Variants in SUMF1 observed in about 807,000 individuals in gnomAD.
The protein encoded by SUMF1 is sulfatase modifying factor 1.
Under a neutral mutation model 47.6 loss-of-function variants are expected in SUMF1, and 48 were observed. The observed-to-expected ratio is 1.01, with a 90% confidence interval of 0.80 to 1.28. The LOEUF (loss-of-function observed/expected upper bound fraction) is 1.28, where lower values mean the gene tolerates loss of function less well. Ranked by LOEUF, SUMF1 falls within the 50% of genes most tolerant of loss-of-function variation. SUMF1 has a pLI of 0.00. For missense variants in SUMF1, 571 were observed against 485.4 expected, an observed-to-expected ratio of 1.18 and a Z score of -1.66; for synonymous variants, 230 against 192.1, an observed-to-expected ratio of 1.20 and a Z score of -1.63.
chr3:4,116,253 C>T (rs528604367), intron 8 of SUMF1, among the ~76,000 whole-genome samples: 30 of 152,182 alleles, frequency 2.0e-4, no homozygotes, highest in Non-Finnish European at 3.4e-4. Context: ...TTTTCTACCA[C>T]GTCACTTCAC....
chr3:4,418,955 TA>T (rs1475442442), intron 4 of SUMF1, among the ~76,000 whole-genome samples: 1 of 152,220 alleles, frequency 6.6e-6, no homozygotes, highest in Non-Finnish European at 1.5e-5. Flanking sequence ...GTCCATTCCT[TA>T]TACACCTTTG....
At chr3:4,098,689 T>C (rs940788594) in intron 8 of SUMF1, among the ~76,000 whole-genome samples, 1 of 152,134 alleles carries the variant, frequency 6.6e-6, no homozygotes, top group Non-Finnish European at 1.5e-5. Flanking sequence ...TAAACATTGG[T>C]ATAGGATTTT....
intron 8 of SUMF1, among the ~76,000 whole-genome samples, chr3:4,217,185 T>TA (rs1384709872): frequency 9.2e-5 from 14 of 151,828 alleles, no homozygotes; most frequent in African/African-American, 3.1e-4. Flanking sequence ...TATGCAGCCA[T>TA]AAAAAAGGAT....
At chr3:4,170,458 A>G (rs1451343766) in intron 8 of SUMF1, among the ~76,000 whole-genome samples, 1 of 152,180 alleles carries the variant, frequency 6.6e-6, no homozygotes, top group South Asian at 2.1e-4. Context: ...ATGCTGACCA[A>G]TGCACCAATT....
intron 8 of SUMF1, among the ~76,000 whole-genome samples, chr3:4,149,574 T>C (rs528681440): frequency 2.0e-5 from 3 of 152,288 alleles, no homozygotes; most frequent in Admixed American, 2.0e-4. Context: ...TCATTAGGAA[T>C]TTCTTCCTCA....
chr3:4,223,028 T>A (rs955201014), intron 8 of SUMF1, among the ~76,000 whole-genome samples: 4 of 152,168 alleles, frequency 2.6e-5, no homozygotes, highest in Admixed American at 1.3e-4. Context: ...AACTTCCACG[T>A]TTTTCTCTGT....
intron 3 of SUMF1, among the ~76,000 whole-genome samples, chr3:4,442,575 A>G (rs1455750173): frequency 6.6e-6 from 1 of 151,238 alleles, no homozygotes; most frequent in Admixed American, 6.6e-5. Context: ...AGAGCCTCAC[A>G]CCAAGGAGAA....
intron 8 of SUMF1, among the ~76,000 whole-genome samples, chr3:4,172,876 T>C (rs913429351): frequency 5.3e-5 from 8 of 152,346 alleles, no homozygotes; most frequent in East Asian, 3.9e-4. Context: ...CATTTGTCAA[T>C]TTTGGCTTCT....
intron 8 of SUMF1, among the ~76,000 whole-genome samples, chr3:4,244,285 T>C (rs1319216013): frequency 6.6e-6 from 1 of 152,244 alleles, no homozygotes; most frequent in Non-Finnish European, 1.5e-5. Flanking sequence ...TATGTGTGAA[T>C]TTGATCCTGT....
intron 7 of SUMF1, among the ~76,000 whole-genome samples, chr3:4,379,417 G>A (rs913465542): frequency 2.0e-5 from 3 of 152,204 alleles, no homozygotes; most frequent in African/African-American, 7.2e-5. Context: ...GGAGTGAGGC[G>A]GCTACAAGCC....
intron 8 of SUMF1, among the ~76,000 whole-genome samples, chr3:4,273,521 G>A (rs1575042662): frequency 6.6e-6 from 1 of 152,034 alleles, no homozygotes; most frequent in African/African-American, 2.4e-5. Flanking sequence ...GGAAACAGAG[G>A]ATGACTGAAA....
chr3:4,174,758 G>A (rs144988788), intron 8 of SUMF1, among the ~76,000 whole-genome samples: 1 of 152,150 alleles, frequency 6.6e-6, no homozygotes, highest in African/African-American at 2.4e-5. Flanking sequence ...AGCACAAGGG[G>A]TCAGGAGATT....
In SUMF1 at chr3:4,102,450, G is replaced by T. The variant is rs79908268; in HGVS notation, c.1015-33705C>A. 7.5e-3 allele frequency among the ~76,000 whole-genome samples: 1,146 copies of T among 152,192 alleles called. 17 individuals are homozygous for T. The highest frequency in any genetic ancestry group is 0.026 in the African/African-American group (1,084 of 41,488). On this transcript the variant is annotated intron_variant and NMD_transcript_variant, in intron 8 of 12. Coordinates refer to the SUMF1 transcript ENST00000448413. Reference sequence around the variant, plus strand: ...ATCCCACAATAGCAGTAATGATAGAGTCCAGTCTTCCTTTGCCTTCATCCG... The same window carrying T: ...ATCCCACAATAGCAGTAATGATAGATTCCAGTCTTCCTTTGCCTTCATCCG...
intron 9 of SUMF1, among the ~76,000 whole-genome samples, chr3:4,051,431 C>A (rs934671751): frequency 1.2e-4 from 18 of 152,098 alleles, no homozygotes; most frequent in Non-Finnish European, 2.9e-5. Context: ...CTCTACTGTC[C>A]ACACTCGCTC....
At chr3:4,233,336 G>A (rs542674088) in intron 8 of SUMF1, among the ~76,000 whole-genome samples, 53 of 152,112 alleles carry the variant, frequency 3.5e-4, no homozygotes, top group Non-Finnish European at 1.5e-4. Flanking sequence ...TGAGGTATAT[G>A]TTATAGCAAT....
chr3:4,168,329 T>G (rs1286998942), intron 8 of SUMF1, among the ~76,000 whole-genome samples: 6 of 152,124 alleles, frequency 3.9e-5, no homozygotes, highest in Non-Finnish European at 7.4e-5. Context: ...CCTAAAAACT[T>G]TCGATGACAC....
intron 8 of SUMF1, among the ~76,000 whole-genome samples, chr3:4,292,066 TGC>T (rs1697752849): frequency 6.6e-6 from 1 of 152,166 alleles, no homozygotes; most frequent in Non-Finnish European, 1.5e-5. Flanking sequence ...ACTAATTATT[TGC>T]AAAAACATGT....
chr3:4,376,459 C>A (rs1700333633), intron 7 of SUMF1, 70 bp from the exon 8 acceptor site: 2 of 1,485,498 alleles, frequency 1.3e-6, no homozygotes, highest in African/African-American at 1.4e-5. Flanking sequence ...GGGAGAGAAT[C>A]CACTTTGATC....
chr3:4,081,747 G>A (rs564454819), intron 8 of SUMF1, among the ~76,000 whole-genome samples: 1 of 152,240 alleles, frequency 6.6e-6, no homozygotes, highest in African/African-American at 2.4e-5. Context: ...GTGTGGACTT[G>A]ACTAGCCTAT....
Sources: allele counts gnomAD v4.1 joint callset (sites outside exome capture counted in the v4.1 genomes callset), GRCh38; gene constraint gnomAD v4.1.1; transcripts MANE v1.5; gene names NCBI Gene and HGNC (gene_info 2026-07-23, HGNC 2026-07-21).